FAT3: variants seen among roughly 807,000 people sequenced by gnomAD.
FAT3 encodes the protein FAT atypical cadherin 3.
FAT3 carries 95 observed loss-of-function variants against 310.2 expected under a neutral mutation model. The ratio of observed to expected loss-of-function variants is 0.31; its 90% CI spans 0.26 to 0.36. The LOEUF (loss-of-function observed/expected upper bound fraction) is 0.36, where lower values mean the gene tolerates loss of function less well. Among genes scored for constraint, FAT3 ranks in the 10% least tolerant of loss-of-function variants. The pLI, the probability that FAT3 is intolerant of heterozygous loss-of-function variation, is 1.00. For missense variants in FAT3, 5,408 were observed against 5,715.6 expected, an observed-to-expected ratio of 0.95 and a Z score of 1.74; for synonymous variants, 2,314 against 2,192.9, an observed-to-expected ratio of 1.06 and a Z score of -1.54.
chr11:92,834,174 A>G (rs1012919636), intron 14 of FAT3, among the ~76,000 whole-genome samples: 10 of 152,186 alleles, frequency 6.6e-5, no homozygotes, highest in African/African-American at 2.2e-4. Context: ...TAGCACCAAC[A>G]CCCAGCTAGC....
intron 3 of FAT3, among the ~76,000 whole-genome samples, chr11:92,641,204 AC>A (rs1941951246): frequency 6.6e-6 from 1 of 152,178 alleles, no homozygotes; most frequent in Non-Finnish European, 1.5e-5. Context: ...CCTACCACAC[AC>A]AAAAAATGTT....
intron 3 of FAT3, among the ~76,000 whole-genome samples, chr11:92,619,611 A>T: frequency 6.6e-6 from 1 of 151,486 alleles, no homozygotes; most frequent in African/African-American, 2.4e-5. Flanking sequence ...TCCTTCTAGG[A>T]TTTTTTTCAT....
intron 1 of FAT3, among the ~76,000 whole-genome samples, chr11:92,338,675 T>C (rs1948156923): frequency 1.3e-5 from 2 of 152,152 alleles, no homozygotes; most frequent in South Asian, 4.1e-4. Context: ...TTGATTTTGT[T>C]GGCAGAATAA....
chr11:92,845,321 T>C (rs1489406692), intron 19 of FAT3, among the ~76,000 whole-genome samples: 1 of 152,212 alleles, frequency 6.6e-6, no homozygotes, highest in Non-Finnish European at 1.5e-5. Context: ...ATCAGATCTG[T>C]CTTTCACAGA....
intron 3 of FAT3, among the ~76,000 whole-genome samples, chr11:92,629,753 CT>C (rs1346275791): frequency 6.6e-6 from 1 of 152,136 alleles, no homozygotes; most frequent in Non-Finnish European, 1.5e-5. Flanking sequence ...ATGCCTGTCT[CT>C]CCTACTATGC....
intron 3 of FAT3, among the ~76,000 whole-genome samples, chr11:92,651,947 A>G (rs1165511056): frequency 6.6e-6 from 1 of 152,204 alleles, no homozygotes; most frequent in East Asian, 1.9e-4. Context: ...TCACTTGCAT[A>G]AACTATTCAT....
chr11:92,809,417 G>A (rs1947603899), intron 12 of FAT3, among the ~76,000 whole-genome samples: 1 of 152,206 alleles, frequency 6.6e-6, no homozygotes, highest in Admixed American at 6.5e-5. Context: ...GCCTTTCTGG[G>A]TCTATGGGTT....
chr11:92,450,682 A>C (rs1951332483), intron 2 of FAT3, among the ~76,000 whole-genome samples: 1 of 152,198 alleles, frequency 6.6e-6, no homozygotes, highest in African/African-American at 2.4e-5. Context: ...TCCAGAAGCC[A>C]TGAAATCCCT....
At chr11:92,831,494 A>T (rs1249682817) in intron 13 of FAT3, 128 bp from the exon 14 acceptor site, 2 of 750,560 alleles carry the variant, frequency 2.7e-6, no homozygotes, top group African/African-American at 3.5e-5. Context: ...GTAGAGCCAC[A>T]GCTGTCTGTT....
At chr11:92,677,629 C>G (rs1383639590) in intron 3 of FAT3, among the ~76,000 whole-genome samples, 1 of 152,186 alleles carries the variant, frequency 6.6e-6, no homozygotes, top group Non-Finnish European at 1.5e-5. Flanking sequence ...AGGTTTGCAT[C>G]TGATGAGGGC....
At chr11:92,412,385 G>T (rs999043836) in intron 2 of FAT3, among the ~76,000 whole-genome samples, 2 of 146,348 alleles carry the variant, frequency 1.4e-5, no homozygotes, top group Admixed American at 7.0e-5. Flanking sequence ...ACAGGCATGA[G>T]CCACCAGACC....
chr11:92,328,649 G>C (rs6483176), intron 1 of FAT3, among the ~76,000 whole-genome samples: 2 of 152,148 alleles, frequency 1.3e-5, no homozygotes, highest in Non-Finnish European at 2.9e-5. Context: ...GCCACCTTAC[G>C]AGGCACGTGA....
chr11:92,548,427 T>C (rs1446781871), intron 3 of FAT3, among the ~76,000 whole-genome samples: 1 of 152,214 alleles, frequency 6.6e-6, no homozygotes, highest in East Asian at 1.9e-4. Flanking sequence ...AGGACATTCT[T>C]AGGCTTCCCT....
intron 3 of FAT3, among the ~76,000 whole-genome samples, chr11:92,575,889 A>G (rs575308891): frequency 2.6e-5 from 4 of 152,184 alleles, no homozygotes; most frequent in Non-Finnish European, 4.4e-5. Context: ...GCTTGGAATA[A>G]AAGAAGGTTA....
intron 2 of FAT3, among the ~76,000 whole-genome samples, chr11:92,499,312 G>T (rs1952859123): frequency 6.6e-6 from 1 of 152,048 alleles, no homozygotes; most frequent in African/African-American, 2.4e-5. Flanking sequence ...GTGTGGGCTG[G>T]CCCAATTGTC....
chr11:92,352,747 T>C lies in FAT3; in HGVS notation c.635T>C (p.Val212Ala). ...TTTTCAGTTCACCCCACGAGTGGTG[T>C]CATCTCCTTAAGTGGTCGATTAAAT... ...DLFSVHPTSG[V>A]ISLSGRLNYD... Residue 212 changes from valine (V) to alanine (A), a missense_variant, in exon 2 of 28, where the codon GTC becomes GCC. Physicochemically the swap from Val to Ala is moderately conservative, Grantham distance 64. This residue lies in a region of FAT3 where 4,588 missense variants were observed against 4,809.8 expected (regional missense o/e 0.95). Coordinates refer to ENST00000525166, the MANE Select transcript of FAT3 (RefSeq NM_001367949.2). 6.2e-7 allele frequency: 1 copy of C among 1,613,866 alleles called. No homozygotes were observed. Among genetic ancestry groups the C allele is most frequent in the Non-Finnish European group, 8.5e-7 (1 of 1,179,884 alleles).
At chr11:92,317,812 G>A (rs1947502752) in intron 1 of FAT3, among the ~76,000 whole-genome samples, 2 of 152,278 alleles carry the variant, frequency 1.3e-5, no homozygotes, top group Middle Eastern at 3.4e-3. Flanking sequence ...GTCTTGAGCA[G>A]TTTTCCCCAA....
At chr11:92,613,154 T>A (rs1437465304) in intron 3 of FAT3, among the ~76,000 whole-genome samples, 2 of 152,140 alleles carry the variant, frequency 1.3e-5, no homozygotes, top group African/African-American at 4.8e-5. Context: ...TATGTGCAGC[T>A]TTTTCATTCT....
chr11:92,730,639 G>A (rs1019127074), intron 4 of FAT3, among the ~76,000 whole-genome samples: 7 of 152,096 alleles, frequency 4.6e-5, no homozygotes, highest in African/African-American at 9.7e-5. Flanking sequence ...TTGAATTTGC[G>A]CTAGAAGAAA....
Sources: gnomAD v4.1 joint callset for allele counts (sites outside exome capture counted in the v4.1 genomes callset) on GRCh38, gnomAD v4.1.1 for gene constraint, gnomAD v4.1.1 regional missense constraint, MANE v1.5 for transcripts, NCBI Gene and HGNC (gene_info 2026-07-23, HGNC 2026-07-21) for gene names.